The following TMC5 variants were observed in gnomAD, a reference collection of about 807,000 sequenced individuals.
TMC5 encodes transmembrane channel-like protein 5.
Under a neutral mutation model 110.5 loss-of-function variants are expected in TMC5, and 86 were observed. The ratio of observed to expected loss-of-function variants is 0.78; its 90% confidence interval spans 0.65 to 0.93. TMC5 has a LOEUF of 0.93. Among genes scored for constraint, TMC5 ranks in the 40% least tolerant of loss-of-function variants. The pLI, the probability that TMC5 is intolerant of heterozygous loss-of-function variation, is 0.00. For missense variants in TMC5, 1,144 were observed against 1,222.8 expected, an observed-to-expected ratio of 0.94 and a Z score of 0.96; for synonymous variants, 455 against 439.5, an observed-to-expected ratio of 1.04 and a Z score of -0.44.
intron 2 of TMC5, among the ~76,000 whole-genome samples, chr16:19,435,348 A>C (rs1339014767): frequency 6.6e-6 from 1 of 151,638 alleles, no homozygotes. Context: ...AAAAAAAAAA[A>C]AAAATTAGCC....
At chr16:19,447,997 A>G (rs1967652385) in intron 4 of TMC5, among the ~76,000 whole-genome samples, 1 of 152,028 alleles carries the variant, frequency 6.6e-6, no homozygotes, top group African/African-American at 2.4e-5. Flanking sequence ...GTAATTTTGC[A>G]TATTGTCCCC....
At chr16:19,458,856 G>A (rs16972042) in intron 5 of TMC5, among the ~76,000 whole-genome samples, 10,845 of 152,018 alleles carry the variant, frequency 0.071, 796 homozygotes, top group African/African-American at 0.19. Flanking sequence ...ATTTCCCGGC[G>A]GGCCATTCTA....
chr16:19,438,412 G>GA lies in TMC5; in HGVS notation c.-79-1545dup, dbSNP rs773935856. Among the ~76,000 whole-genome samples, 196 of 38,932 alleles carry GA rather than the reference G, an allele frequency of 5.0e-3. 1 individual carries two copies. Among genetic ancestry groups the GA allele is most frequent in the African/African-American group, 0.013 (173 of 13,422 alleles). 25.5% of individuals were successfully genotyped at this position (38,932 alleles called of 152,430 possible). A position where few individuals can be genotyped will look rare whatever the true frequency, so the allele number is the denominator to read the frequency against. On this transcript the variant is annotated intron_variant, in intron 2 of 21. Coordinates refer to ENST00000542583, the MANE Select transcript of TMC5 (RefSeq NM_001261841.2). The stretch of plus-strand genomic sequence containing the variant: ...TGTCAAAAAAAAAAAAAAAAAAGAA[G>GA]AAAGAAAAGAAAAAGAAAGAAAGAG...
At chr16:19,458,897 C>T (rs1353618102) in intron 5 of TMC5, among the ~76,000 whole-genome samples, 5 of 152,180 alleles carry the variant, frequency 3.3e-5, no homozygotes, top group Non-Finnish European at 7.4e-5. Context: ...AGCCAGCTTG[C>T]TCCCTCTGTC....
Position 19,443,955 on chromosome 16 carries a change from G to C in TMC5, c.789-126G>C. 7 of 934,408 alleles carry C rather than the reference G, an allele frequency of 7.5e-6. No homozygotes were observed. The South Asian group carries it at 1.1e-4, about 15-fold the overall frequency. The allele number at this position is 934,408 out of a possible 1,614,324, so 57.9% of individuals were successfully genotyped here. ...TACATGGATGGATGGATGGATGGAT[G>C]GATAAATGGATGGATAAATAAATGG... On this transcript the variant is annotated intron_variant, in intron 3 of 21. Coordinates refer to ENST00000542583, the MANE Select transcript of TMC5 (RefSeq NM_001261841.2).
chr16:19,456,847 A>G (rs764976333), intron 5 of TMC5: 1 of 1,614,222 alleles, frequency 6.2e-7, no homozygotes, highest in Non-Finnish European at 8.5e-7. Context: ...TTTTGTCAAT[A>G]TCTGACATTG....
At chr16:19,461,993 A>G (rs1968035405) in intron 6 of TMC5, among the ~76,000 whole-genome samples, 1 of 152,170 alleles carries the variant, frequency 6.6e-6, no homozygotes, top group Admixed American at 6.5e-5. Flanking sequence ...CTGGGCCTTG[A>G]AAGACAATTG....
In TMC5 at chr16:19,455,135, T is replaced by TA. The variant is rs552444183; in HGVS notation, c.1049-5090dup. On this transcript the variant is annotated intron_variant, in intron 5 of 21. Coordinates refer to ENST00000542583, the MANE Select transcript of TMC5 (RefSeq NM_001261841.2). ...GGGAAACAGAGCAAGACCTCATCTCTAAAAAAAAAAGTTTAAAAATTTGTA... is the reference window on the plus strand; with the variant it reads ...GGGAAACAGAGCAAGACCTCATCTCTAAAAAAAAAAAGTTTAAAAATTTGTA... Among the ~76,000 whole-genome samples, 97 of 148,416 alleles carry TA rather than the reference T, an allele frequency of 6.5e-4. 1 individual carries two copies. The South Asian group carries it at 6.9e-3, about 11-fold the overall frequency.
intron 4 of TMC5, among the ~76,000 whole-genome samples, chr16:19,445,206 T>C (rs1392516522): frequency 6.6e-6 from 1 of 151,592 alleles, no homozygotes. Flanking sequence ...CCTCATAATT[T>C]GTTGTGTGTA....
At chr16:19,427,163 T>G (rs974455244) in intron 1 of TMC5, among the ~76,000 whole-genome samples, 1 of 152,136 alleles carries the variant, frequency 6.6e-6, no homozygotes, top group East Asian at 1.9e-4. Context: ...TTTTAAATGT[T>G]GGAGTTCCGG....
chr16:19,426,191 A>G (rs1967085682), intron 1 of TMC5, among the ~76,000 whole-genome samples: 1 of 152,232 alleles, frequency 6.6e-6, no homozygotes. Context: ...CTATTATAAG[A>G]ATCCGAATTA....
Position 19,469,727 on chromosome 16 carries a change from T to G in TMC5, c.1684T>G (p.Ser562Ala), listed in dbSNP as rs779020423. ...CAACTTCATTAATCCCCACATTTAC[T>G]CCGGAGGGATCACCAAGCTGATCTT... ...RNNFINPHIY[S>A]GGITKLIFCW... is the part of the protein sequence containing the mutation. The change falls in exon 10 of 22, where the codon TCC becomes GCC. Residue 562 changes from serine (S) to alanine (A), a missense_variant. Transcript: ENST00000542583. 7 of 1,614,106 alleles carry G rather than the reference T, an allele frequency of 4.3e-6. No homozygotes were observed. In the South Asian group the frequency reaches 7.7e-5, roughly 18 times the overall value.
chr16:19,457,709 C>CTTTTTTTTTTTTTTTTTTTTTTTTTT (rs573979829), intron 5 of TMC5, among the ~76,000 whole-genome samples: 1 of 43,906 alleles, frequency 2.3e-5, no homozygotes, highest in African/African-American at 5.3e-5. Flanking sequence ...AGACTACATT[C>CTTTTTTTTTTTTTTTTTTTTTTTTTT]TTTTTTTTTT....
intron 3 of TMC5, 84 bp from the exon 4 acceptor site, chr16:19,443,993 TTGAA>T (rs1191946168): frequency 3.3e-6 from 4 of 1,215,188 alleles, no homozygotes; most frequent in African/African-American, 2.2e-5. Flanking sequence ...GAATACATGA[TTGAA>T]TGGATGGATG....
chr16:19,455,160 A>T (rs1430045486), intron 5 of TMC5, among the ~76,000 whole-genome samples: 3 of 151,696 alleles, frequency 2.0e-5, no homozygotes, highest in Admixed American at 1.3e-4. Context: ...AAAAATTTGT[A>T]CTTTTTTTTA....
intron 21 of TMC5, 102 bp from the exon 22 acceptor site, chr16:19,497,818 G>A (rs1969094630): frequency 3.0e-6 from 3 of 996,590 alleles, no homozygotes; most frequent in South Asian, 1.5e-5. Flanking sequence ...AGGCAAAGAA[G>A]GCATGAGAAG....
In TMC5 at chr16:19,497,949, G is replaced by A; in HGVS notation, c.3004G>A (p.Gly1002Ser). 2 of 1,614,088 alleles carry A rather than the reference G, an allele frequency of 1.2e-6. No individual in the cohort carries two copies. The highest frequency in any genetic ancestry group is 1.7e-6 in the Non-Finnish European group (2 of 1,180,004). The change falls in exon 22 of 22, where the codon GGT (glycine) becomes AGT (serine). Residue 1002 changes from glycine to serine, a missense_variant. Gly to Ser is a moderately conservative substitution (Grantham distance 56). Transcript: ENST00000542583. ...GCGATCTAGAAGATCAGTTCAAGAAGGTAATCCAAGGGCCTGATGACTCTT... is the reference window on the plus strand; with the variant it reads ...GCGATCTAGAAGATCAGTTCAAGAAAGTAATCCAAGGGCCTGATGACTCTT... The part of the protein sequence containing the change: ...DLRSRRSVQE[G>S]NPRA
intron 17 of TMC5, among the ~76,000 whole-genome samples, chr16:19,489,332 T>A (rs999271822): frequency 1.3e-5 from 2 of 151,938 alleles, no homozygotes; most frequent in Non-Finnish European, 2.9e-5. Context: ...GGCTAATTAT[T>A]TTTTTATTTT....
At chr16:19,444,010 TGG>T (rs1967553559) in intron 3 of TMC5, 69 bp from the exon 4 acceptor site, 2 of 1,390,844 alleles carry the variant, frequency 1.4e-6, no homozygotes, top group East Asian at 4.6e-5. Flanking sequence ...GATGGATGGA[TGG>T]ATGGATGGAT....
Sources: allele counts gnomAD v4.1 joint callset (sites outside exome capture counted in the v4.1 genomes callset), GRCh38; gene constraint gnomAD v4.1.1; transcripts MANE v1.5; gene names NCBI Gene and HGNC (gene_info 2026-07-23, HGNC 2026-07-21).